The following LRP1 variants were observed in gnomAD, a reference collection of about 807,000 sequenced individuals.
LRP1 encodes prolow-density lipoprotein receptor-related protein 1.
In LRP1, 51 loss-of-function variants were observed where a neutral mutation model predicts 541.5. The observed-to-expected ratio is 0.09, with a 90% CI of 0.08 to 0.12. The LOEUF (loss-of-function observed/expected upper bound fraction) is 0.12, where lower values mean the gene tolerates loss of function less well. Among genes scored for constraint, LRP1 ranks in the 10% least tolerant of loss-of-function variants. LRP1 has a pLI of 1.00. For synonymous variants in LRP1, 2,219 were observed against 2,470.8 expected (o/e 0.90, Z 3.02); for missense variants, 3,878 against 6,376.2 (o/e 0.61, Z 13.34).
In LRP1 at chr12:57,180,741, G is replaced by T; in HGVS notation, c.5461G>T (p.Val1821Leu). Residue 1821 changes from valine to leucine, a missense_variant, in exon 33 of 89, where the codon GTG (valine) becomes TTG (leucine). Physicochemically the swap from Val to Leu is conservative, Grantham distance 32. Transcript: ENST00000243077. The part of the protein sequence containing the change: ...TCSKADGSGS[V>L]VLRNSTTLVM... ...CAGCAAGGCTGACGGCTCGGGCTCCGTGGTCCTTCGGAACAGCACCACCCT... is the reference window on the plus strand; with the variant it reads ...CAGCAAGGCTGACGGCTCGGGCTCCTTGGTCCTTCGGAACAGCACCACCCT... 1.2e-6 allele frequency: 2 copies of T among 1,614,068 alleles called. No individual in the cohort carries two copies. Among genetic ancestry groups the T allele is most frequent in the Non-Finnish European group, 8.5e-7 (1 of 1,179,942 alleles).
Position 57,193,178 on chromosome 12 carries a change from G to T in LRP1, c.7558G>T (p.Val2520Leu). 6.2e-7 allele frequency: 1 copy of T among 1,613,948 alleles called. No homozygotes were observed. Residue 2520 changes from valine (V) to leucine (L), a missense_variant and splice_region_variant, in exon 46 of 89, where the codon GTG (valine) becomes TTG (leucine). Around this residue, in one of 13 missense-constraint regions of LRP1, gnomAD observed 1,100 missense variants for 1,827.4 expected, o/e 0.60. Coordinates refer to ENST00000243077, the MANE Select transcript of LRP1 (RefSeq NM_002332.3). Reference protein sequence around the residue: ...ILQDDLTCRAVNSSCRAQDEF... With the variant: ...ILQDDLTCRALNSSCRAQDEF... ...GCTCCCTCCACCTCCCTCCCCAGCG[G>T]TGAATTCCTCTTGCCGAGCACAAGA...
intron 6 of LRP1, among the ~76,000 whole-genome samples, chr12:57,148,559 G>A (rs1042941994): frequency 1.1e-4 from 16 of 152,176 alleles, no homozygotes; most frequent in Admixed American, 2.6e-4. Flanking sequence ...GCAGTCTACC[G>A]ACCCCAGCCC....
At chr12:57,191,061 C>G (rs1466103771) in intron 43 of LRP1, 52 bp downstream of exon 43, 1 of 1,541,570 alleles carries the variant, frequency 6.5e-7, no homozygotes, top group Admixed American at 1.8e-5. Flanking sequence ...AGGCCAGGGC[C>G]AGGGTCAGCC....
intron 42 of LRP1, among the ~76,000 whole-genome samples, chr12:57,188,445 A>G (rs2036312525): frequency 6.6e-6 from 1 of 151,958 alleles, no homozygotes; most frequent in African/African-American, 2.4e-5. Context: ...GTCACCTCCA[A>G]CCTGGCTCAA....
rs1342506366 is a variant in LRP1 at position 57,183,319 on chromosome 12, A to C, written c.5663-60A>C. Reference sequence around the variant, plus strand: ...AAGCAGAGAACAGTTGGAGGGTGACAGGAACCAAGTTTAAGGGAGTGTTGG... The same window carrying C: ...AAGCAGAGAACAGTTGGAGGGTGACCGGAACCAAGTTTAAGGGAGTGTTGG... On this transcript the variant is annotated intron_variant, in intron 34 of 88. Coordinates refer to ENST00000243077, the MANE Select transcript of LRP1 (RefSeq NM_002332.3). The surrounding 1 kb of genome is among the most constrained non-coding windows in gnomAD (Gnocchi z 6.1). The C allele has an allele frequency of 1.9e-6, 3 of 1,556,868 alleles. No homozygotes were observed. Among genetic ancestry groups the C allele is most frequent in the African/African-American group, 1.4e-5 (1 of 73,598 alleles).
intron 58 of LRP1, 69 bp from the exon 59 acceptor site, chr12:57,198,087 G>A (rs2036574046): frequency 1.4e-6 from 2 of 1,380,154 alleles, no homozygotes; most frequent in South Asian, 2.6e-5. Flanking sequence ...GGGAGGCTGA[G>A]CCTCACAGAG....
At chr12:57,166,886 G>A (rs1323858312) in intron 17 of LRP1, 44 bp from the exon 18 acceptor site, 1 of 989,570 alleles carries the variant, frequency 1.0e-6, no homozygotes, top group South Asian at 1.3e-5. Context: ...GCAGTGAAGA[G>A]AGGGTCAGGA....
chr12:57,143,882 G>A, intron 4 of LRP1, 84 bp downstream of exon 4: 1 of 1,466,636 alleles, frequency 6.8e-7, no homozygotes, highest in South Asian at 1.4e-5. Flanking sequence ...AGGGGTAGGG[G>A]GCCTGGCTGG....
intron 6 of LRP1, among the ~76,000 whole-genome samples, chr12:57,147,991 T>C (rs2136666760): frequency 6.6e-6 from 1 of 152,196 alleles, no homozygotes; most frequent in African/African-American, 2.4e-5. Context: ...GCCCAGTGGT[T>C]TGGGGAGGTC....
At chr12:57,208,944 C>G (rs886652073) in intron 78 of LRP1, 127 bp downstream of exon 78, 1 of 1,066,060 alleles carries the variant, frequency 9.4e-7, no homozygotes, top group Admixed American at 1.8e-5. Context: ...GCAGATTGGC[C>G]GTGGAGGCTT....
chr12:57,191,019 C>T lies in LRP1; in HGVS notation c.7236+10C>T, dbSNP rs201579466. On this transcript the variant is annotated intron_variant, in intron 43 of 88. Transcript: ENST00000243077. ...CGGCTCCCACCGCTATGTGAGTCTG[C>T]GGGGTGGGTGAGCTGGCGGGCGGCT... 256 of 1,606,712 alleles carry T rather than the reference C, an allele frequency of 1.6e-4. No individual in the cohort carries two copies. The highest frequency in any genetic ancestry group is 2.0e-4 in the Non-Finnish European group (234 of 1,178,384).
chr12:57,164,119 C>T (rs946409046), intron 15 of LRP1, among the ~76,000 whole-genome samples: 1 of 152,234 alleles, frequency 6.6e-6, no homozygotes, highest in East Asian at 1.9e-4. Context: ...TGCAGTGAGC[C>T]GAGATTGTGC....
chr12:57,138,988 G>A (rs1410889735), intron 2 of LRP1, among the ~76,000 whole-genome samples: 2 of 152,198 alleles, frequency 1.3e-5, no homozygotes, highest in Non-Finnish European at 2.9e-5. Flanking sequence ...GAGGCCACTG[G>A]CACTTGCTCA....
intron 2 of LRP1, among the ~76,000 whole-genome samples, chr12:57,140,735 TTTTG>T (rs2035271478): frequency 6.6e-6 from 1 of 152,136 alleles, no homozygotes; most frequent in Admixed American, 6.5e-5. Flanking sequence ...AAACCTTTTT[TTTTG>T]TTTGTTTGTT....
rs541820097 is a variant in LRP1 at position 57,175,519 on chromosome 12, G to C, written c.3607G>C (p.Gly1203Arg). 16 of 1,614,116 alleles carry C rather than the reference G, an allele frequency of 9.9e-6. No homozygotes were observed. In the African/African-American group the frequency reaches 2.1e-4, roughly 22 times the overall value. Reference sequence around the variant, plus strand: ...CAACTGCTCAGTGGCACCTGGCGAAGGCATTGTGTGTTCCTGCCCTCTGGG... The same window carrying C: ...CAACTGCTCAGTGGCACCTGGCGAACGCATTGTGTGTTCCTGCCCTCTGGG... The part of the protein sequence containing the change: ...SHNCSVAPGE[G>R]IVCSCPLGME... Residue 1203 changes from glycine to arginine, a missense_variant, in exon 23 of 89, where the codon GGC becomes CGC. Gly to Arg is a moderately radical substitution (Grantham distance 125). Coordinates refer to ENST00000243077, the MANE Select transcript of LRP1 (RefSeq NM_002332.3).
rs1333073613 is a variant in LRP1, at chr12:57,180,123, G to A, written c.5218G>A (p.Gly1740Ser). 1 of 1,613,754 alleles carries A rather than the reference G, an allele frequency of 6.2e-7. No homozygotes were observed. The highest frequency in any genetic ancestry group is 8.5e-7 in the Non-Finnish European group (1 of 1,180,000). The change falls in exon 31 of 89, where the codon GGC becomes AGC. Residue 1740 changes from glycine to serine, a missense_variant. Transcript: ENST00000243077. ...CAGCAATCGCACCCTGCTCTTCAGT[G>A]GCCAGAAGGGCCCCGTGGGTACGAG... ...DGSNRTLLFS[G>S]QKGPVGLAID...
Position 57,202,543 on chromosome 12 carries a change from T to TTGGGGCCCCCC in LRP1, c.10711+6_10711+7insTGGGGCCCCCC. 1 of 1,523,636 alleles carries TTGGGGCCCCCC rather than the reference T, an allele frequency of 6.6e-7. No homozygotes were observed. Among genetic ancestry groups the TTGGGGCCCCCC allele is most frequent in the Non-Finnish European group, 8.9e-7 (1 of 1,124,812 alleles). 94.4% of individuals were successfully genotyped at this position (1,523,636 alleles called of 1,614,324 possible). On this transcript the variant is annotated splice_region_variant and intron_variant, in intron 68 of 88. Transcript: ENST00000243077. ...CTCCGATGAAGAGAGCTGCAGTACGTCCCCACCCACCCAGCCCCGCATGAG... is the reference window on the plus strand; with the variant it reads ...CTCCGATGAAGAGAGCTGCAGTACGTTGGGGCCCCCCCCCCACCCACCCAGCCCCGCATGAG...
At position 57,198,532 on chromosome 12, in the gene LRP1, C is replaced by T. The variant is rs773535117; in HGVS notation, c.9538C>T (p.Arg3180Cys). The T allele has an allele frequency of 9.3e-6, 15 of 1,613,918 alleles. No individual in the cohort carries two copies. The highest frequency in any genetic ancestry group is 1.6e-4 in the Middle Eastern group (1 of 6,084). Residue 3180 changes from arginine to cysteine, a missense_variant, in exon 60 of 89, where the codon CGC becomes TGC. Transcript: ENST00000243077. The part of the protein sequence containing the change: ...IGRIGMDGSS[R>C]SVIVDTKITW... ...CCGCATCGGCATGGATGGGTCCAGCCGCAGCGTCATCGTGGACACCAAGAT... is the reference window on the plus strand; with the variant it reads ...CCGCATCGGCATGGATGGGTCCAGCTGCAGCGTCATCGTGGACACCAAGAT...
chr12:57,195,870 G>T lies in LRP1; in HGVS notation c.8568G>T (p.Pro2856=), dbSNP rs750136555. ...GGTCCATTCCTCCCCCAGAGTACCC[G>T]ACCTGCGGCCCCAGTGAGTTCCGCT... ...GSDESPECEY[P]TCGPSEFRCA... is the part of the protein sequence containing the mutation. The change falls in exon 54 of 89, where the codon CCG becomes CCT. Residue 2856 remains proline, a synonymous_variant. Coordinates refer to ENST00000243077, the MANE Select transcript of LRP1 (RefSeq NM_002332.3). The T allele has an allele frequency of 1.1e-5, 17 of 1,613,830 alleles. No individual in the cohort carries two copies. Among genetic ancestry groups the T allele is most frequent in the Non-Finnish European group, 1.4e-5 (17 of 1,180,008 alleles).
Sources: allele counts gnomAD v4.1 joint callset (sites outside exome capture counted in the v4.1 genomes callset), GRCh38; gene constraint gnomAD v4.1.1; regional missense constraint gnomAD v4.1.1; non-coding constraint Gnocchi (gnomAD v3.1); transcripts MANE v1.5; gene names NCBI Gene and HGNC (gene_info 2026-07-23, HGNC 2026-07-21).